The following WNK1 variants were observed in gnomAD, a reference collection of about 807,000 sequenced individuals.
WNK1 encodes WNK lysine deficient protein kinase 1.
WNK1 carries 38 observed loss-of-function variants against 222.8 expected under a neutral mutation model. The observed-to-expected ratio is 0.17, with a 90% CI of 0.13 to 0.22. The LOEUF is 0.22. WNK1 is among the 10% of genes least tolerant of loss of function. The probability of loss-of-function intolerance (pLI) is 1.00; values close to 1 mark genes in which losing one functional copy is unlikely to be tolerated. For missense variants in WNK1, 2,348 were observed against 2,918.4 expected (o/e 0.80, Z 4.50); for synonymous variants, 1,090 against 1,092.9 (o/e 1.00, Z 0.05).
In WNK1 at chr12:864,804, A is replaced by G. The variant is rs901818750; in HGVS notation, c.2139+2534A>G. ...GTCTGCACCCTTCAGTCAGTTGGTCATTCTTAAATTCATACACTTGTAACA... is the reference window on the plus strand; with the variant it reads ...GTCTGCACCCTTCAGTCAGTTGGTCGTTCTTAAATTCATACACTTGTAACA... On this transcript the variant is annotated intron_variant, in intron 8 of 27. Coordinates refer to ENST00000315939, the MANE Select transcript of WNK1 (RefSeq NM_018979.4). Among the ~76,000 whole-genome samples the G allele has an allele frequency of 9.2e-5, 14 of 152,338 alleles. 1 individual carries two copies. In the East Asian group the frequency reaches 2.7e-3, roughly 29 times the overall value.
intron 4 of WNK1, among the ~76,000 whole-genome samples, chr12:836,201 G>T (rs1949167452): frequency 6.6e-6 from 1 of 152,162 alleles, no homozygotes; most frequent in African/African-American, 2.4e-5. Flanking sequence ...AACAAAAGTT[G>T]TAGTGGATCA....
chr12:895,481 C>T (rs191946646), intron 23 of WNK1, among the ~76,000 whole-genome samples: 47 of 152,022 alleles, frequency 3.1e-4, no homozygotes, highest in African/African-American at 2.2e-4. Flanking sequence ...ATTTTTGAGA[C>T]GGAGTCTCAC....
intron 1 of WNK1, among the ~76,000 whole-genome samples, chr12:775,697 A>G (rs1412126788): frequency 6.6e-6 from 1 of 152,136 alleles, no homozygotes; most frequent in African/African-American, 2.4e-5. Context: ...TGAGCTATGT[A>G]TGTTTGAAGG....
At chr12:789,405 T>C (rs1944628717) in intron 1 of WNK1, among the ~76,000 whole-genome samples, 1 of 152,172 alleles carries the variant, frequency 6.6e-6, no homozygotes, top group Admixed American at 6.6e-5. Context: ...AGTATGGTAG[T>C]ATACTAATAA....
chr12:801,981 A>G (rs1945924128), intron 1 of WNK1, among the ~76,000 whole-genome samples: 1 of 152,190 alleles, frequency 6.6e-6, no homozygotes, highest in Non-Finnish European at 1.5e-5. Context: ...CCTGCTAACC[A>G]GAAAATTGAG....
intron 4 of WNK1, among the ~76,000 whole-genome samples, chr12:851,224 A>G (rs547203631): frequency 6.6e-6 from 1 of 152,174 alleles, no homozygotes; most frequent in Non-Finnish European, 1.5e-5. Flanking sequence ...CACTTTGTTC[A>G]TTGAACTCAA....
intron 9 of WNK1, 40 bp from the exon 10 acceptor site, chr12:878,172 T>G (rs1263910603): frequency 6.8e-6 from 11 of 1,613,352 alleles, no homozygotes; most frequent in Non-Finnish European, 9.3e-6. Flanking sequence ...ATGCTGTTAT[T>G]GATTTGAAAT....
chr12:766,408 T>C (rs920965606), intron 1 of WNK1, among the ~76,000 whole-genome samples: 15 of 152,166 alleles, frequency 9.9e-5, no homozygotes, highest in Admixed American at 2.0e-4. Context: ...AGTTGAAACA[T>C]TGAACTGTCA....
At chr12:871,391 C>G in intron 9 of WNK1, 43 bp downstream of exon 9, 1 of 1,584,756 alleles carries the variant, frequency 6.3e-7, no homozygotes, top group African/African-American at 1.3e-5. Flanking sequence ...TAGCAGTGGC[C>G]AGAACACTAT....
intron 8 of WNK1, chr12:867,912 A>T: frequency 6.2e-7 from 1 of 1,614,006 alleles, no homozygotes; most frequent in African/African-American, 1.3e-5. Context: ...ACATACCCAG[A>T]ATCACAGATA....
At chr12:812,421 G>T (rs1422383331) in intron 1 of WNK1, among the ~76,000 whole-genome samples, 1 of 152,112 alleles carries the variant, frequency 6.6e-6, no homozygotes, top group Non-Finnish European at 1.5e-5. Context: ...ACACAAAAAG[G>T]TATCTTGTCA....
chr12:863,088 A>G (rs1007911646), intron 8 of WNK1, among the ~76,000 whole-genome samples: 1 of 151,648 alleles, frequency 6.6e-6, no homozygotes, highest in Non-Finnish European at 1.5e-5. Context: ...TCTGAAAGGT[A>G]TTAGAAAATA....
At position 757,333 on chromosome 12, in the gene WNK1, TAAA is replaced by T. The variant is rs368419754; in HGVS notation, c.759+3018_759+3020del. ...TCTTTTTTTTTTTTTTTTTTTTTTTTAAAAAAAAAAAGAGACGGAGTCTTGCTC... is the reference window on the plus strand; with the variant it reads ...TCTTTTTTTTTTTTTTTTTTTTTTTTAAAAAAAAGAGACGGAGTCTTGCTC... On this transcript the variant is annotated intron_variant, in intron 1 of 27. Transcript: ENST00000315939. Among the ~76,000 whole-genome samples the T allele has an allele frequency of 1.6e-3, 116 of 71,486 alleles. 1 individual carries two copies. The highest frequency in any genetic ancestry group is 3.7e-3 in the African/African-American group (60 of 16,254). 46.9% of individuals were successfully genotyped at this position (71,486 alleles called of 152,430 possible). A position where few individuals can be genotyped will look rare whatever the true frequency, so the allele number is the denominator to read the frequency against.
intron 1 of WNK1, among the ~76,000 whole-genome samples, chr12:757,289 T>G (rs1234920164): frequency 2.6e-5 from 4 of 151,288 alleles, no homozygotes; most frequent in East Asian, 3.9e-4. Flanking sequence ...CATTGCTCTT[T>G]AGTAAAACAA....
chr12:853,706 C>T (rs990936877), intron 4 of WNK1, among the ~76,000 whole-genome samples: 8 of 152,288 alleles, frequency 5.3e-5, no homozygotes, highest in African/African-American at 1.9e-4. Context: ...AGTTTTATTG[C>T]CAGTAGGCTA....
chr12:865,401 T>A, intron 8 of WNK1: 1 of 1,521,022 alleles, frequency 6.6e-7, no homozygotes, highest in South Asian at 1.2e-5. Context: ...TGAACAATTA[T>A]TACCAATGAA....
chr12:815,066 G>A (rs370336055), intron 2 of WNK1, among the ~76,000 whole-genome samples: 2 of 152,162 alleles, frequency 1.3e-5, no homozygotes, highest in Non-Finnish European at 2.9e-5. Flanking sequence ...GTGGTAATGC[G>A]AGCAGTGAGG....
chr12:779,039 A>G (rs544374569), intron 1 of WNK1, among the ~76,000 whole-genome samples: 8 of 152,304 alleles, frequency 5.3e-5, no homozygotes, highest in African/African-American at 1.9e-4. Flanking sequence ...CTAAAATGTA[A>G]AAGTAAAACA....
chr12:832,154 C>T (rs1331217219), intron 4 of WNK1, among the ~76,000 whole-genome samples: 2 of 152,146 alleles, frequency 1.3e-5, no homozygotes, highest in African/African-American at 2.4e-5. Context: ...CGGCTCACTG[C>T]AAGCTCTGCC....
Sources: allele counts gnomAD v4.1 joint callset (sites outside exome capture counted in the v4.1 genomes callset), GRCh38; gene constraint gnomAD v4.1.1; transcripts MANE v1.5; gene names NCBI Gene and HGNC (gene_info 2026-07-23, HGNC 2026-07-21).